Variants in SMG7 observed in about 807,000 individuals in gnomAD.
SMG7 encodes the protein SMG7 nonsense mediated mRNA decay factor.
A neutral mutation model predicts 148.2 loss-of-function variants in SMG7; 34 were observed. The ratio of observed to expected loss-of-function variants is 0.23; its 90% CI spans 0.17 to 0.31. The LOEUF (loss-of-function observed/expected upper bound fraction) is 0.31, where lower values mean the gene tolerates loss of function less well. SMG7 is among the 10% of genes least tolerant of loss of function. The probability of loss-of-function intolerance (pLI) is 1.00; values close to 1 mark genes in which losing one functional copy is unlikely to be tolerated. For synonymous variants in SMG7, 492 were observed against 515.1 expected, an observed-to-expected ratio of 0.96 and a Z score of 0.61; for missense variants, 1,114 against 1,408.4, an observed-to-expected ratio of 0.79 and a Z score of 3.35.
intron 14 of SMG7, among the ~76,000 whole-genome samples, chr1:183,543,115 C>G (rs1669231465): frequency 6.6e-6 from 1 of 151,996 alleles, no homozygotes; most frequent in Admixed American, 6.6e-5. Context: ...AAAAGATAAG[C>G]ACTGCTCAGT....
chr1:183,512,337 A>C (rs979403976), intron 1 of SMG7, among the ~76,000 whole-genome samples: 1 of 152,308 alleles, frequency 6.6e-6, no homozygotes, highest in Non-Finnish European at 1.5e-5. Flanking sequence ...AAGCTGTATA[A>C]ATGTAGTACA....
At chr1:183,536,299 C>T (rs1667780471) in intron 10 of SMG7, among the ~76,000 whole-genome samples, 2 of 152,032 alleles carry the variant, frequency 1.3e-5, no homozygotes. Flanking sequence ...ATGGCTACTT[C>T]CACCCATCAC....
At chr1:183,522,113 G>A (rs1023771645) in intron 4 of SMG7, among the ~76,000 whole-genome samples, 2 of 152,160 alleles carry the variant, frequency 1.3e-5, no homozygotes, top group African/African-American at 4.8e-5. Flanking sequence ...TAGTCGAGTG[G>A]TTGTACCATT....
chr1:183,505,297 C>T (rs917491745), intron 1 of SMG7, among the ~76,000 whole-genome samples: 4 of 152,204 alleles, frequency 2.6e-5, no homozygotes, highest in Admixed American at 6.5e-5. Flanking sequence ...AAATCTGACA[C>T]ACTTTTCAGT....
rs772328232 is a variant in SMG7 at position 183,545,142 on chromosome 1, C to G, written c.2200C>G (p.Gln734Glu). 2 of 1,614,090 alleles carry G rather than the reference C, an allele frequency of 1.2e-6. No individual in the cohort carries two copies. The highest frequency in any genetic ancestry group is 1.7e-6 in the Non-Finnish European group (2 of 1,180,012). ...ACCAGGGCCAATGAACCAGGGACCTCAACAATCACAGCCACCTTCCCAGCA... is the reference window on the plus strand; with the variant it reads ...ACCAGGGCCAATGAACCAGGGACCTGAACAATCACAGCCACCTTCCCAGCA... ...SGPGPMNQGP[Q>E]QSQPPSQQPL... The change falls in exon 16 of 23, where the codon CAA (glutamine) becomes GAA (glutamate). Residue 734 changes from glutamine (Q) to glutamate (E), a missense_variant. This residue lies in a region of SMG7 where 788 missense variants were observed against 894.5 expected (regional missense o/e 0.88). Transcript: ENST00000688051.
At chr1:183,538,987 T>C (rs965745757) in intron 12 of SMG7, among the ~76,000 whole-genome samples, 9 of 149,984 alleles carry the variant, frequency 6.0e-5, no homozygotes, top group African/African-American at 2.2e-4. Context: ...CTACTAAAAA[T>C]ACAAAAAAAA....
rs1361328606 is a variant in SMG7 at position 183,527,908 on chromosome 1, C to T, written c.485-48C>T. ...CTATAGCTGTTTTGGAAATACTACC[C>T]TACTGTTTGTTTTTTGGGTTTTTTA... On this transcript the variant is annotated intron_variant, in intron 5 of 22. Coordinates refer to ENST00000688051, the MANE Select transcript of SMG7 (RefSeq NM_001375584.1). This position sits in a 1 kb window ranked among gnomAD's most constrained non-coding sequence, Gnocchi z 4.0. 2 of 1,332,256 alleles carry T rather than the reference C, an allele frequency of 1.5e-6. No individual in the cohort carries two copies. The highest frequency in any genetic ancestry group is 2.4e-5 in the South Asian group (2 of 84,292). The allele number at this position is 1,332,256 out of a possible 1,614,324, so 82.5% of individuals were successfully genotyped here.
At chr1:183,491,578 T>C (rs533602599) in intron 1 of SMG7, among the ~76,000 whole-genome samples, 1 of 152,292 alleles carries the variant, frequency 6.6e-6, no homozygotes, top group African/African-American at 2.4e-5. Context: ...TATCTCCTAG[T>C]CTGTGGCTTG....
At chr1:183,493,855 C>G (rs1232443236) in intron 1 of SMG7, among the ~76,000 whole-genome samples, 2 of 152,220 alleles carry the variant, frequency 1.3e-5, no homozygotes, top group Non-Finnish European at 2.9e-5. Context: ...GCTAGGATTA[C>G]AGGCGTGAGT....
In SMG7 at chr1:183,529,434, C is replaced by T. The variant is rs1473655145; in HGVS notation, c.744C>T (p.Asp248=). The T allele has an allele frequency of 1.2e-6, 2 of 1,612,978 alleles. No homozygotes were observed. The highest frequency in any genetic ancestry group is 2.2e-5 in the South Asian group (2 of 90,988). Residue 248 remains aspartate (D), a synonymous_variant, in exon 8 of 23, where the codon GAC becomes GAT. Transcript: ENST00000688051. ...DEVKTKWGVS[D]FIKAFIKFHG... ...TGAAAACCAAGTGGGGTGTTTCTGA[C>T]TTCATCAAGGCCTTTATTAAATTCC... is the stretch of plus-strand genomic sequence containing the variant.
chr1:183,534,105 A>G (rs1667321124), intron 10 of SMG7, among the ~76,000 whole-genome samples: 1 of 152,214 alleles, frequency 6.6e-6, no homozygotes, highest in South Asian at 2.1e-4. Flanking sequence ...TTCACATTTC[A>G]AAGTGAACTT....
chr1:183,492,792 T>G (rs1473310356), intron 1 of SMG7, among the ~76,000 whole-genome samples: 3 of 152,150 alleles, frequency 2.0e-5, no homozygotes, highest in Non-Finnish European at 2.9e-5. Context: ...AGGTAGATGC[T>G]TAGATCAAGG....
chr1:183,483,081 C>G (rs1283955253), intron 1 of SMG7, among the ~76,000 whole-genome samples: 1 of 152,174 alleles, frequency 6.6e-6, no homozygotes, highest in Non-Finnish European at 1.5e-5. Flanking sequence ...TTCTTGATGG[C>G]ATTTTCCTAC....
rs374677970 is a variant in SMG7 at position 183,526,650 on chromosome 1, T to G, written c.367T>G (p.Ser123Ala). The G allele has an allele frequency of 6.2e-7, 1 of 1,613,528 alleles. No homozygotes were observed. The highest frequency in any genetic ancestry group is 2.2e-5 in the East Asian group (1 of 44,866). ...TGTAGATTTACCATGCCGTGTGAAG[T>G]CTTCCCAATTGGGAATTATCAGCAA... Reference protein sequence around the residue: ...FNVDLPCRVKSSQLGIISNKQ... With the variant: ...FNVDLPCRVKASQLGIISNKQ... Residue 123 changes from serine (S) to alanine (A), a missense_variant, in exon 5 of 23, where the codon TCT becomes GCT. Physicochemically the swap from Ser to Ala is moderately conservative, Grantham distance 99 (BLOSUM62 1). Transcript: ENST00000688051.
At chr1:183,517,927 C>A in intron 4 of SMG7, 107 bp downstream of exon 4, 1 of 1,126,938 alleles carries the variant, frequency 8.9e-7, no homozygotes. Flanking sequence ...CTATGTGGGC[C>A]ATCCAGGGAT....
intron 1 of SMG7, chr1:183,501,124 C>T (rs1659623654): frequency 3.9e-5 from 6 of 152,110 alleles, no homozygotes; most frequent in Admixed American, 3.9e-4. Flanking sequence ...TAGCATTTAC[C>T]TTTTAGGATT....
In SMG7 at chr1:183,527,902, A is replaced by G; in HGVS notation, c.485-54A>G. 1 of 1,251,032 alleles carries G rather than the reference A, an allele frequency of 8.0e-7. No homozygotes were observed. The highest frequency in any genetic ancestry group is 1.2e-5 in the South Asian group (1 of 80,598). The allele number at this position is 1,251,032 out of a possible 1,614,324, so 77.5% of individuals were successfully genotyped here. On this transcript the variant is annotated intron_variant, in intron 5 of 22. Coordinates refer to ENST00000688051, the MANE Select transcript of SMG7 (RefSeq NM_001375584.1). This position sits in a 1 kb window ranked among gnomAD's most constrained non-coding sequence, Gnocchi z 4.0. ...TTAAAACTATAGCTGTTTTGGAAAT[A>G]CTACCCTACTGTTTGTTTTTTGGGT...
chr1:183,540,786 A>G (rs905247891), intron 12 of SMG7, among the ~76,000 whole-genome samples, 198 bp from the exon 13 acceptor site: 4 of 152,166 alleles, frequency 2.6e-5, no homozygotes, highest in African/African-American at 7.2e-5. Context: ...GAATTTGTAT[A>G]TTTTCTTTTC....
At chr1:183,483,160 ATT>A (rs1419978914) in intron 1 of SMG7, among the ~76,000 whole-genome samples, 1 of 152,186 alleles carries the variant, frequency 6.6e-6, no homozygotes, top group Non-Finnish European at 1.5e-5. Context: ...TTGCATTAAT[ATT>A]CTCATCTGTT....
Sources: allele counts gnomAD v4.1 joint callset (sites outside exome capture counted in the v4.1 genomes callset), GRCh38; gene constraint gnomAD v4.1.1; regional missense constraint gnomAD v4.1.1; non-coding constraint Gnocchi (gnomAD v3.1); transcripts MANE v1.5; gene names NCBI Gene and HGNC (gene_info 2026-07-23, HGNC 2026-07-21).